The following NKAIN3 variants were observed in gnomAD, a reference collection of about 807,000 sequenced individuals.
NKAIN3 encodes the protein sodium/potassium-transporting ATPase subunit beta-1-interacting protein 3.
NKAIN3 carries 25 observed loss-of-function variants against 30.2 expected under a neutral mutation model. That is an observed-to-expected ratio of 0.83 (90% CI 0.60 to 1.16). The LOEUF (loss-of-function observed/expected upper bound fraction) is 1.16. NKAIN3 is among the 50% of genes most tolerant of loss of function. NKAIN3 has a pLI of 0.00. For missense variants in NKAIN3, 225 were observed against 254.1 expected (o/e 0.89, Z 0.78); for synonymous variants, 91 against 89.6 (o/e 1.02, Z -0.09).
At chr8:62,547,065 T>C (rs1435627757) in intron 1 of NKAIN3, among the ~76,000 whole-genome samples, 1 of 152,168 alleles carries the variant, frequency 6.6e-6, no homozygotes, top group Non-Finnish European at 1.5e-5. Context: ...ATTGAAAGAC[T>C]CACTTGAGGA....
chr8:62,358,903 C>T (rs1048019170), intron 1 of NKAIN3, among the ~76,000 whole-genome samples: 6 of 152,082 alleles, frequency 3.9e-5, no homozygotes, highest in Admixed American at 6.6e-5. Context: ...ATTCTATGGC[C>T]GGGCGCGGTG....
At chr8:62,811,733 T>C (rs929245271) in intron 4 of NKAIN3, among the ~76,000 whole-genome samples, 18 of 152,174 alleles carry the variant, frequency 1.2e-4, no homozygotes, top group South Asian at 2.1e-4. Flanking sequence ...TTGCTTTTCT[T>C]ACTGTTGAAT....
intron 1 of NKAIN3, among the ~76,000 whole-genome samples, chr8:62,289,342 C>A (rs1036218726): frequency 1.3e-5 from 2 of 152,206 alleles, no homozygotes; most frequent in African/African-American, 4.8e-5. Context: ...AATGGTATTG[C>A]CTAGGTTTTC....
At chr8:62,506,476 C>CTTTTTTTCTTTT (rs1563430942) in intron 1 of NKAIN3, among the ~76,000 whole-genome samples, 6 of 98,432 alleles carry the variant, frequency 6.1e-5, no homozygotes, top group Non-Finnish European at 7.6e-5. Context: ...TTCTTTCTTT[C>CTTTTTTTCTTTT]TTTTTTTTTT....
At chr8:62,838,421 G>C (rs1261117564) in intron 4 of NKAIN3, among the ~76,000 whole-genome samples, 1 of 151,920 alleles carries the variant, frequency 6.6e-6, no homozygotes, top group Non-Finnish European at 1.5e-5. Context: ...ATTTAGAAGA[G>C]AGATTTGTAC....
At chr8:62,282,227 C>T (rs1257550409) in intron 1 of NKAIN3, among the ~76,000 whole-genome samples, 1 of 152,100 alleles carries the variant, frequency 6.6e-6, no homozygotes, top group Admixed American at 6.6e-5. Context: ...AGATGGTTAT[C>T]CCACTAATTT....
At chr8:62,466,672 A>C (rs1806174450) in intron 1 of NKAIN3, among the ~76,000 whole-genome samples, 1 of 152,218 alleles carries the variant, frequency 6.6e-6, no homozygotes, top group South Asian at 2.1e-4. Context: ...CATCACACCA[A>C]GTTGCTGACT....
intron 4 of NKAIN3, among the ~76,000 whole-genome samples, chr8:62,868,440 T>C (rs1309290576): frequency 2.0e-5 from 3 of 152,038 alleles, no homozygotes; most frequent in African/African-American, 7.3e-5. Flanking sequence ...TCTGAATAAT[T>C]CAGGCAGAAA....
intron 1 of NKAIN3, among the ~76,000 whole-genome samples, chr8:62,492,872 C>A (rs1460099028): frequency 6.6e-6 from 1 of 152,084 alleles, no homozygotes; most frequent in Non-Finnish European, 1.5e-5. Context: ...AATTTACACT[C>A]CCACCAACAG....
chr8:62,776,206 T>G (rs1304487703), intron 4 of NKAIN3, among the ~76,000 whole-genome samples: 1 of 152,084 alleles, frequency 6.6e-6, no homozygotes, highest in Non-Finnish European at 1.5e-5. Flanking sequence ...GGGTCTTCTT[T>G]TCCTTTCTTT....
chr8:62,323,706 T>C lies in NKAIN3; in HGVS notation c.54+74579T>C, dbSNP rs956658063. ...GTGCCTCCATTTAGACTCTGAAAAC[T>C]TTCACACCTTCAGTAGGTGAATGAA... On this transcript the variant is annotated intron_variant, in intron 1 of 6. Transcript: ENST00000623646. Among the ~76,000 whole-genome samples the C allele has an allele frequency of 6.6e-5, 10 of 152,092 alleles. No individual in the cohort carries two copies. In the Middle Eastern group the frequency reaches 0.01, roughly 155 times the overall value.
At chr8:62,398,515 C>T (rs1767970115) in intron 1 of NKAIN3, among the ~76,000 whole-genome samples, 1 of 152,174 alleles carries the variant, frequency 6.6e-6, no homozygotes, top group South Asian at 2.1e-4. Flanking sequence ...GCTGTTGAAT[C>T]TCTAGTATCA....
intron 4 of NKAIN3, among the ~76,000 whole-genome samples, chr8:62,786,852 G>A (rs1817536883): frequency 6.6e-6 from 1 of 152,170 alleles, no homozygotes; most frequent in Admixed American, 6.6e-5. Flanking sequence ...TGGCACATGT[G>A]AACAGTTTGA....
At chr8:62,794,873 C>G (rs1188931774) in intron 4 of NKAIN3, among the ~76,000 whole-genome samples, 2 of 152,116 alleles carry the variant, frequency 1.3e-5, no homozygotes, top group African/African-American at 4.8e-5. Context: ...TCTCTTGGCT[C>G]CTGCTGCTTC....
intron 1 of NKAIN3, among the ~76,000 whole-genome samples, chr8:62,339,156 A>T (rs1208949309): frequency 6.6e-6 from 1 of 152,002 alleles, no homozygotes; most frequent in Non-Finnish European, 1.5e-5. Flanking sequence ...TGGGGTCAGG[A>T]TGAGGTTGCT....
chr8:62,531,283 C>T (rs1199266246), intron 1 of NKAIN3, among the ~76,000 whole-genome samples: 1 of 152,130 alleles, frequency 6.6e-6, no homozygotes, highest in African/African-American at 2.4e-5. Context: ...CATTAAGAGT[C>T]TCATGTTCTT....
chr8:62,934,429 A>T (rs1822721592), intron 5 of NKAIN3, among the ~76,000 whole-genome samples: 1 of 152,026 alleles, frequency 6.6e-6, no homozygotes, highest in South Asian at 2.1e-4. Context: ...ATTTTTTCCA[A>T]ATGTGAGAAA....
At chr8:62,829,205 G>A (rs1819119439) in intron 4 of NKAIN3, among the ~76,000 whole-genome samples, 1 of 152,164 alleles carries the variant, frequency 6.6e-6, no homozygotes, top group African/African-American at 2.4e-5. Context: ...GTTTTTTAGT[G>A]TGTCAACCTC....
At chr8:62,574,798 T>C (rs1180153017) in intron 1 of NKAIN3, among the ~76,000 whole-genome samples, 1 of 152,164 alleles carries the variant, frequency 6.6e-6, no homozygotes, top group Non-Finnish European at 1.5e-5. Flanking sequence ...TGATGATCAG[T>C]AATGTTGACC....
Sources: gnomAD v4.1 joint callset for allele counts (sites outside exome capture counted in the v4.1 genomes callset) on GRCh38, gnomAD v4.1.1 for gene constraint, MANE v1.5 for transcripts, NCBI Gene and HGNC (gene_info 2026-07-23, HGNC 2026-07-21) for gene names.